Variants in FYN observed in about 807,000 individuals in gnomAD.
FYN encodes the protein tyrosine-protein kinase Fyn.
In FYN, 10 loss-of-function variants were observed where a neutral mutation model predicts 70.2. The ratio of observed to expected loss-of-function variants is 0.14; its 90% CI spans 0.09 to 0.24. The LOEUF (loss-of-function observed/expected upper bound fraction) is 0.24. Among genes scored for constraint, FYN ranks in the 10% least tolerant of loss-of-function variants. The pLI is 1.00. For synonymous variants in FYN, 236 were observed against 248.6 expected, an observed-to-expected ratio of 0.95 and a Z score of 0.48; for missense variants, 319 against 673.1, an observed-to-expected ratio of 0.47 and a Z score of 5.82.
intron 3 of FYN, among the ~76,000 whole-genome samples, chr6:111,760,619 C>T (rs937197243): frequency 7.9e-5 from 12 of 152,212 alleles, no homozygotes; most frequent in African/African-American, 2.7e-4. Flanking sequence ...AATGCTGCAG[C>T]GCGCTCCTCA....
intron 3 of FYN, among the ~76,000 whole-genome samples, chr6:111,742,037 G>A (rs931303181): frequency 2.0e-5 from 3 of 152,154 alleles, no homozygotes; most frequent in African/African-American, 7.2e-5. Flanking sequence ...GAAAACCCTA[G>A]CTTTCACACC....
chr6:111,683,629 C>G (rs1798865657), intron 12 of FYN, among the ~76,000 whole-genome samples: 1 of 152,074 alleles, frequency 6.6e-6, no homozygotes. Context: ...CCACCCAGAG[C>G]CCTTTTTAAT....
chr6:111,681,172 T>C (rs1020126435), intron 12 of FYN, among the ~76,000 whole-genome samples: 3 of 151,868 alleles, frequency 2.0e-5, no homozygotes, highest in African/African-American at 4.8e-5. Context: ...GGACTATTGG[T>C]GCACGCCACC....
At chr6:111,842,729 T>C (rs1773401393) in intron 2 of FYN, among the ~76,000 whole-genome samples, 2 of 152,230 alleles carry the variant, frequency 1.3e-5, no homozygotes, top group African/African-American at 4.8e-5. Flanking sequence ...GCTGGATTCC[T>C]GATGCGGCCT....
chr6:111,775,117 C>T (rs771778788), intron 3 of FYN, among the ~76,000 whole-genome samples: 1 of 152,188 alleles, frequency 6.6e-6, no homozygotes, highest in Non-Finnish European at 1.5e-5. Context: ...GTGGGACCAA[C>T]CACCTGGATC....
intron 3 of FYN, among the ~76,000 whole-genome samples, chr6:111,768,486 T>C (rs944631596): frequency 1.3e-5 from 2 of 152,194 alleles, no homozygotes; most frequent in Admixed American, 6.5e-5. Flanking sequence ...ACAGTAAAAT[T>C]CTCCCTAAGT....
intron 10 of FYN, among the ~76,000 whole-genome samples, chr6:111,695,785 T>C (rs962231884): frequency 6.6e-6 from 1 of 152,198 alleles, no homozygotes; most frequent in Non-Finnish European, 1.5e-5. Context: ...AATGTGAGAA[T>C]AAATGTGGTC....
chr6:111,774,365 C>T (rs1803622366), intron 3 of FYN, among the ~76,000 whole-genome samples: 1 of 152,150 alleles, frequency 6.6e-6, no homozygotes. Flanking sequence ...CGGGTGTGCA[C>T]CTGGCTCTAC....
At chr6:111,835,691 G>A (rs1214630279) in intron 2 of FYN, among the ~76,000 whole-genome samples, 4 of 152,194 alleles carry the variant, frequency 2.6e-5, no homozygotes, top group African/African-American at 9.7e-5. Flanking sequence ...AGGGGTGTCT[G>A]TAATGAGCTA....
chr6:111,836,481 T>C (rs1219581064), intron 2 of FYN, among the ~76,000 whole-genome samples: 1 of 152,138 alleles, frequency 6.6e-6, no homozygotes, highest in African/African-American at 2.4e-5. Context: ...AAACAAATGC[T>C]AGGCTGTGCG....
Position 111,692,937 on chromosome 6 carries a change from C to T in FYN, c.1273+1438G>A, listed in dbSNP as rs1355264214. On this transcript the variant is annotated intron_variant, in intron 12 of 13. Transcript: ENST00000354650. ...CGCCTTTGATTAGAGATACAGCATG[C>T]CATCTGGCCCAGCACCGGGGGTGTA... is the stretch of plus-strand genomic sequence containing the variant. Among the ~76,000 whole-genome samples the T allele has an allele frequency of 2.0e-5, 3 of 152,332 alleles. No homozygotes were observed. The East Asian group carries it at 5.8e-4, about 29-fold the overall frequency.
At position 111,700,337 on chromosome 6, in the gene FYN, G is replaced by A. The variant is rs540383445; in HGVS notation, c.698-69C>T. 5.9e-6 allele frequency: 9 copies of A among 1,531,046 alleles called. No homozygotes were observed. The Admixed American group carries it at 1.2e-4, about 20-fold the overall frequency. The allele number at this position is 1,531,046 out of a possible 1,614,324, so 94.8% of individuals were successfully genotyped here. On this transcript the variant is annotated intron_variant, in intron 8 of 13. Transcript: ENST00000354650. ...ACACATGTAATGACAACACTCATAA[G>A]TGTAAACCCACACTAGCGGCGCACA...
chr6:111,790,477 C>T (rs1014857531), intron 2 of FYN, among the ~76,000 whole-genome samples: 1 of 152,098 alleles, frequency 6.6e-6, no homozygotes, highest in Non-Finnish European at 1.5e-5. Flanking sequence ...CCACCCCTAA[C>T]CAGTATCTGA....
chr6:111,724,156 T>G (rs952311261), intron 3 of FYN, among the ~76,000 whole-genome samples: 9 of 152,194 alleles, frequency 5.9e-5, no homozygotes, highest in African/African-American at 2.2e-4. Context: ...GCCAATAGTG[T>G]TAAGCAACCT....
intron 5 of FYN, among the ~76,000 whole-genome samples, chr6:111,713,879 A>G (rs997818136): frequency 5.3e-5 from 8 of 152,250 alleles, no homozygotes; most frequent in African/African-American, 1.9e-4. Flanking sequence ...AGGCTTCACC[A>G]AAGAAATGTT....
chr6:111,769,743 C>CA, intron 3 of FYN, among the ~76,000 whole-genome samples: 1 of 152,160 alleles, frequency 6.6e-6, no homozygotes, highest in Non-Finnish European at 1.5e-5. Context: ...AAAAAACACA[C>CA]ACACCCTGGC....
intron 3 of FYN, among the ~76,000 whole-genome samples, chr6:111,731,770 C>A (rs1801468640): frequency 6.6e-6 from 1 of 152,176 alleles, no homozygotes; most frequent in African/African-American, 2.4e-5. Context: ...AGACTCCAGC[C>A]AGCCTCCTCC....
chr6:111,758,981 CA>C (rs1802873051), intron 3 of FYN: 2 of 152,828 alleles, frequency 1.3e-5, no homozygotes, highest in South Asian at 4.1e-4. Flanking sequence ...TGCACCTCCA[CA>C]TAACTGTCCA....
intron 3 of FYN, among the ~76,000 whole-genome samples, chr6:111,737,659 G>A (rs1019494871): frequency 3.9e-5 from 6 of 152,124 alleles, no homozygotes; most frequent in Admixed American, 3.9e-4. Flanking sequence ...CATTACATAA[G>A]CATGATTGAT....
Sources: gnomAD v4.1 joint callset for allele counts (sites outside exome capture counted in the v4.1 genomes callset) on GRCh38, gnomAD v4.1.1 for gene constraint, MANE v1.5 for transcripts, NCBI Gene and HGNC (gene_info 2026-07-23, HGNC 2026-07-21) for gene names.